Variants in SINHCAF observed in about 807,000 individuals in gnomAD.
SINHCAF encodes the protein SIN3-HDAC complex-associated factor.
A neutral mutation model predicts 25.8 loss-of-function variants in SINHCAF; 3 were observed. The observed-to-expected ratio is 0.12, with a 90% CI of 0.05 to 0.30. The LOEUF is 0.30. Ranked by LOEUF, SINHCAF falls within the 10% of genes least tolerant of loss-of-function variation. The pLI is 1.00. For missense variants in SINHCAF, 121 were observed against 262.3 expected (o/e 0.46, Z 3.72); for synonymous variants, 70 against 85.5 (o/e 0.82, Z 1.00).
Position 31,325,779 on chromosome 12 carries a change from T to C in SINHCAF, c.-21+245A>G, listed in dbSNP as rs1477984727. ...CACTCACTTCCCCGCCCCGAGACTT[T>C]CGGTTTGCCTCAAATACCCTCCCCA... On this transcript the variant is annotated intron_variant, in intron 1 of 5. Coordinates refer to ENST00000337682, the MANE Select transcript of SINHCAF (RefSeq NM_001135812.2). The surrounding 1 kb of genome is among the most constrained non-coding windows in gnomAD (Gnocchi z 5.9). The C allele has an allele frequency of 1.3e-5, 2 of 156,084 alleles. No individual in the cohort carries two copies. The highest frequency in any genetic ancestry group is 4.8e-5 in the African/African-American group (2 of 41,404). 9.7% of individuals were successfully genotyped at this position (156,084 alleles called of 1,614,324 possible). A position where few individuals can be genotyped will look rare whatever the true frequency, so the allele number is the denominator to read the frequency against.
In SINHCAF at chr12:31,324,843, G is replaced by A; in HGVS notation, c.-21+1181C>T. 1 of 403,832 alleles carries A rather than the reference G, an allele frequency of 2.5e-6. No homozygotes were observed. Among genetic ancestry groups the A allele is most frequent in the South Asian group, 1.8e-5 (1 of 56,456 alleles). 25.0% of individuals were successfully genotyped at this position (403,832 alleles called of 1,614,324 possible). A position where few individuals can be genotyped will look rare whatever the true frequency, so the allele number is the denominator to read the frequency against. ...TTAATCAAAGTTTTGCAGTGTCCTT[G>A]ATGAGAAACGCCCGGAGTATCCGCC... On this transcript the variant is annotated intron_variant, in intron 1 of 5. Coordinates refer to ENST00000337682, the MANE Select transcript of SINHCAF (RefSeq NM_001135812.2). This position sits in a 1 kb window ranked among gnomAD's most constrained non-coding sequence, Gnocchi z 5.5.
chr12:31,321,384 C>A (rs1236683377), intron 1 of SINHCAF, among the ~76,000 whole-genome samples: 4 of 152,124 alleles, frequency 2.6e-5, no homozygotes, highest in Non-Finnish European at 5.9e-5. Context: ...GAACTGCTTT[C>A]TTAAGGTAAG....
At chr12:31,293,597 G>GA (rs1405280458) in intron 4 of SINHCAF, among the ~76,000 whole-genome samples, 1 of 152,142 alleles carries the variant, frequency 6.6e-6, no homozygotes, top group East Asian at 1.9e-4. Flanking sequence ...TGGTTAGCTA[G>GA]TAGAAATACT....
chr12:31,298,909 G>C (rs1938658945), intron 1 of SINHCAF, among the ~76,000 whole-genome samples: 1 of 152,136 alleles, frequency 6.6e-6, no homozygotes, highest in African/African-American at 2.4e-5. Context: ...CATGTTGTCT[G>C]ACCGCTGATC....
intron 5 of SINHCAF, 103 bp downstream of exon 5, chr12:31,287,531 T>C: frequency 1.2e-6 from 1 of 836,008 alleles, no homozygotes; most frequent in Non-Finnish European, 1.8e-6. Flanking sequence ...AATCGTGTGT[T>C]ACCAACTGTT....
intron 5 of SINHCAF, among the ~76,000 whole-genome samples, chr12:31,285,761 A>G (rs1938035927): frequency 6.6e-6 from 1 of 152,124 alleles, no homozygotes; most frequent in African/African-American, 2.4e-5. Flanking sequence ...AGATCACTTG[A>G]AGCTAGAAGT....
chr12:31,318,514 C>T (rs1939579780), intron 1 of SINHCAF, among the ~76,000 whole-genome samples: 1 of 152,004 alleles, frequency 6.6e-6, no homozygotes, highest in Non-Finnish European at 1.5e-5. Flanking sequence ...AAAACTCATC[C>T]TATATAGGAA....
rs1939897099 is a variant in SINHCAF, at chr12:31,324,930, C to G, written c.-21+1094G>C. The G allele has an allele frequency of 6.6e-6, 3 of 455,860 alleles. No homozygotes were observed. Among genetic ancestry groups the G allele is most frequent in the South Asian group, 4.7e-5 (3 of 64,482 alleles). 28.2% of individuals were successfully genotyped at this position (455,860 alleles called of 1,614,324 possible). A position where few individuals can be genotyped will look rare whatever the true frequency, so the allele number is the denominator to read the frequency against. On this transcript the variant is annotated intron_variant, in intron 1 of 5. Transcript: ENST00000337682. The surrounding 1 kb of genome is among the most constrained non-coding windows in gnomAD (Gnocchi z 5.5). ...TTTTAAACTGGCAAGACGCCATCAT[C>G]AGCAAACCACATTGTCCTGCCGGCC...
rs557022826 is a variant in SINHCAF at position 31,299,452 on chromosome 12, G to C, written c.-20-1228C>G. Among the ~76,000 whole-genome samples, 299 of 152,106 alleles carry C rather than the reference G, an allele frequency of 2.0e-3. 1 individual carries two copies. Among genetic ancestry groups the C allele is most frequent in the Middle Eastern group, 3.4e-3 (1 of 294 alleles). On this transcript the variant is annotated intron_variant, in intron 1 of 5. Coordinates refer to ENST00000337682, the MANE Select transcript of SINHCAF (RefSeq NM_001135812.2). Reference sequence around the variant, plus strand: ...CTGCCTCAGCCTCCCTAGTAGCTGGGACTACAGGTGCCCGCCACCACACCC... The same window carrying C: ...CTGCCTCAGCCTCCCTAGTAGCTGGCACTACAGGTGCCCGCCACCACACCC...
chr12:31,307,336 G>A (rs905003056), intron 1 of SINHCAF, among the ~76,000 whole-genome samples: 2 of 152,114 alleles, frequency 1.3e-5, no homozygotes, highest in East Asian at 1.9e-4. Context: ...TGGGCAGACC[G>A]CTTGAGCCCA....
chr12:31,315,090 C>A (rs756033338), intron 1 of SINHCAF, among the ~76,000 whole-genome samples: 4 of 152,212 alleles, frequency 2.6e-5, no homozygotes, highest in Non-Finnish European at 4.4e-5. Flanking sequence ...GCACAAGTTC[C>A]AGTAGCTTAT....
intron 1 of SINHCAF, among the ~76,000 whole-genome samples, chr12:31,312,223 A>G (rs1181555251): frequency 6.6e-6 from 1 of 152,090 alleles, no homozygotes; most frequent in African/African-American, 2.4e-5. Context: ...TCCATGCTGT[A>G]TTTTTTATTT....
chr12:31,293,295 T>A (rs1188546306), intron 4 of SINHCAF, among the ~76,000 whole-genome samples: 1 of 152,178 alleles, frequency 6.6e-6, no homozygotes, highest in Admixed American at 6.5e-5. Context: ...TGACCTGACA[T>A]TAATTAATTA....
chr12:31,314,959 T>C (rs1340771775), intron 1 of SINHCAF, among the ~76,000 whole-genome samples: 1 of 152,190 alleles, frequency 6.6e-6, no homozygotes, highest in Admixed American at 6.5e-5. Flanking sequence ...ATTTAGTCGA[T>C]TTAGAGGATT....
At position 31,288,380 on chromosome 12, in the gene SINHCAF, T is replaced by C. The variant is rs549362488; in HGVS notation, c.356-596A>G. ...CACCTTTCCTAACCCCAGCAGAGGC[T>C]GAGGTGAAGAGCCTACATTTCCACC... On this transcript the variant is annotated intron_variant, in intron 4 of 5. Transcript: ENST00000337682. Among the ~76,000 whole-genome samples the C allele has an allele frequency of 2.5e-4, 38 of 152,274 alleles. 1 individual carries two copies. In the South Asian group the frequency reaches 7.7e-3, roughly 31 times the overall value.
At chr12:31,305,461 G>A (rs1938984098) in intron 1 of SINHCAF, among the ~76,000 whole-genome samples, 1 of 152,094 alleles carries the variant, frequency 6.6e-6, no homozygotes, top group African/African-American at 2.4e-5. Flanking sequence ...AATTTCATGA[G>A]AAGAGAGCTG....
rs1001460443 is a variant in SINHCAF, at chr12:31,312,365, T to A, written c.-21+13659A>T. Among the ~76,000 whole-genome samples, 7 of 148,130 alleles carry A rather than the reference T, an allele frequency of 4.7e-5. No homozygotes were observed. The East Asian group carries it at 1.3e-3, about 28-fold the overall frequency. On this transcript the variant is annotated intron_variant, in intron 1 of 5. Transcript: ENST00000337682. Reference sequence around the variant, plus strand: ...CATTGTTTTACGTATTTTGTGTGTGTGTGTGTGTGAGTGTGTGTATTTCTA... The same window carrying A: ...CATTGTTTTACGTATTTTGTGTGTGAGTGTGTGTGAGTGTGTGTATTTCTA...
chr12:31,311,674 A>G (rs541696909), intron 1 of SINHCAF: 2 of 456,900 alleles, frequency 4.4e-6, no homozygotes, highest in African/African-American at 2.0e-5. Context: ...GCTTATAACA[A>G]TATTTTTGAA....
chr12:31,312,000 G>T, intron 1 of SINHCAF: 2 of 708,614 alleles, frequency 2.8e-6, no homozygotes, highest in South Asian at 2.7e-5. Flanking sequence ...CTAGCTGTTT[G>T]ACAAAGCTGG....
Sources: allele counts gnomAD v4.1 joint callset (sites outside exome capture counted in the v4.1 genomes callset), GRCh38; gene constraint gnomAD v4.1.1; non-coding constraint Gnocchi (gnomAD v3.1); transcripts MANE v1.5; gene names NCBI Gene and HGNC (gene_info 2026-07-23, HGNC 2026-07-21).